The following CCDC3 variants were observed in gnomAD, a reference collection of about 807,000 sequenced individuals.
The protein encoded by CCDC3 is coiled-coil domain-containing protein 3.
CCDC3 carries 24 observed loss-of-function variants against 21.4 expected under a neutral mutation model. That is an observed-to-expected ratio of 1.12 (90% CI 0.81 to 1.58). The LOEUF (loss-of-function observed/expected upper bound fraction) is 1.58, where lower values mean the gene tolerates loss of function less well. Among genes scored for constraint, CCDC3 ranks in the 40% most tolerant of loss-of-function variants. The probability of loss-of-function intolerance (pLI) is 0.00; values close to 1 mark genes in which losing one functional copy is unlikely to be tolerated. For synonymous variants in CCDC3, 186 were observed against 166.0 expected (o/e 1.12, Z -0.93); for missense variants, 425 against 360.9 (o/e 1.18, Z -1.44).
intron 2 of CCDC3, among the ~76,000 whole-genome samples, chr10:12,962,744 C>T (rs115241777): frequency 0.012 from 1,790 of 152,272 alleles, 33 homozygotes; most frequent in African/African-American, 0.041. Context: ...TCAAACATTA[C>T]AGGGATTTTT....
At chr10:13,082,904 A>G (rs1837059849) in intron 3 of CCDC3, among the ~76,000 whole-genome samples, 1 of 152,206 alleles carries the variant, frequency 6.6e-6, no homozygotes, top group African/African-American at 2.4e-5. Flanking sequence ...TTCATATATA[A>G]TCATATCTAT....
chr10:13,040,687 T>TCACTCA (rs1554763772), intron 5 of CCDC3, among the ~76,000 whole-genome samples: 3 of 142,752 alleles, frequency 2.1e-5, no homozygotes, highest in African/African-American at 7.9e-5. Context: ...CAAAACTCTG[T>TCACTCA]CACACACACA....
At chr10:12,964,376 G>GA (rs34399404) in intron 2 of CCDC3, among the ~76,000 whole-genome samples, 119,946 of 146,978 alleles carry the variant, frequency 0.82, 51,663 homozygotes, top group East Asian at 1. Context: ...CCATCTTAAA[G>GA]AAAAAAAAAA....
intron 2 of CCDC3, among the ~76,000 whole-genome samples, chr10:12,987,991 A>C (rs1018312021): frequency 4.6e-5 from 7 of 150,826 alleles, no homozygotes; most frequent in Admixed American, 3.9e-4. Context: ...TCTGTGGTTC[A>C]CTCAGCTGCC....
At chr10:12,965,788 C>G (rs1835254266) in intron 2 of CCDC3, among the ~76,000 whole-genome samples, 1 of 152,218 alleles carries the variant, frequency 6.6e-6, no homozygotes. Context: ...TCATGCAAGA[C>G]AGAATGCCAA....
At chr10:12,960,071 T>C (rs540272973) in intron 2 of CCDC3, among the ~76,000 whole-genome samples, 200 of 152,054 alleles carry the variant, frequency 1.3e-3, no homozygotes, top group African/African-American at 4.5e-3. Context: ...GAAGAATCAC[T>C]TGAACCTGGG....
chr10:12,943,112 G>T (rs75655220), intron 2 of CCDC3, among the ~76,000 whole-genome samples: 7 of 151,892 alleles, frequency 4.6e-5, no homozygotes, highest in South Asian at 2.1e-4. Flanking sequence ...TGGCTTAAGC[G>T]CTTATATAAA....
chr10:12,995,724 T>C (rs1196456717), intron 2 of CCDC3, among the ~76,000 whole-genome samples: 1 of 152,216 alleles, frequency 6.6e-6, no homozygotes, highest in Admixed American at 6.5e-5. Context: ...ACTTTTTCTC[T>C]GAGCCTGGAA....
intron 5 of CCDC3, among the ~76,000 whole-genome samples, chr10:13,036,548 G>C (rs1018921699): frequency 6.6e-6 from 1 of 152,100 alleles, no homozygotes; most frequent in East Asian, 1.9e-4. Context: ...GCAGTGGCAC[G>C]ATCTCCACTC....
chr10:13,034,668 CT>C (rs1181050330), intron 5 of CCDC3, among the ~76,000 whole-genome samples: 1 of 151,794 alleles, frequency 6.6e-6, no homozygotes, highest in Non-Finnish European at 1.5e-5. Context: ...ACTATTATTC[CT>C]GTAATAAATG....
intron 2 of CCDC3, among the ~76,000 whole-genome samples, chr10:12,922,930 T>C (rs1256990570): frequency 6.6e-6 from 1 of 152,194 alleles, no homozygotes; most frequent in African/African-American, 2.4e-5. Context: ...TATTCTGACA[T>C]TGGCCAAATG....
intron 2 of CCDC3, among the ~76,000 whole-genome samples, chr10:12,982,981 G>T (rs1056833404): frequency 6.7e-6 from 1 of 149,872 alleles, no homozygotes; most frequent in Non-Finnish European, 1.5e-5. Flanking sequence ...GCATGGTGGC[G>T]GGTGCCTGTA....
intron 2 of CCDC3, among the ~76,000 whole-genome samples, chr10:12,972,340 C>A (rs567000898): frequency 6.6e-6 from 1 of 152,268 alleles, no homozygotes; most frequent in South Asian, 2.1e-4. Flanking sequence ...CCAGGCACAC[C>A]CTTGGGCTTC....
At chr10:13,097,068 A>G (rs1683259028) in intron 3 of CCDC3, among the ~76,000 whole-genome samples, 3 of 152,332 alleles carry the variant, frequency 2.0e-5, no homozygotes, top group Admixed American at 2.0e-4. Flanking sequence ...CTAACTCCAA[A>G]CAGAGGAGAT....
chr10:12,960,529 GT>G lies in CCDC3; in HGVS notation c.549+37808del, dbSNP rs1835165267. Among the ~76,000 whole-genome samples the G allele has an allele frequency of 2.0e-5, 3 of 152,340 alleles. No homozygotes were observed. The South Asian group carries it at 6.2e-4, about 32-fold the overall frequency. On this transcript the variant is annotated intron_variant, in intron 2 of 2. Coordinates refer to ENST00000378825, the MANE Select transcript of CCDC3 (RefSeq NM_031455.4). ...TAAGGTGACATTCCAGCCCTGAGCA[GT>G]GTTGGGTAAACAGACCGAAGCCCAA...
chr10:13,030,947 G>C (rs1445566182), intron 5 of CCDC3, among the ~76,000 whole-genome samples: 7 of 152,116 alleles, frequency 4.6e-5, no homozygotes, highest in Non-Finnish European at 1.0e-4. Context: ...AAGACAGAAA[G>C]TTAACACGGA....
chr10:12,972,730 T>G (rs1311903286), intron 2 of CCDC3, among the ~76,000 whole-genome samples: 1 of 151,874 alleles, frequency 6.6e-6, no homozygotes, highest in African/African-American at 2.4e-5. Flanking sequence ...GACATGAGAA[T>G]CTCTTGAACC....
chr10:13,023,194 A>G (rs1368258651), intron 5 of CCDC3, among the ~76,000 whole-genome samples: 1 of 152,182 alleles, frequency 6.6e-6, no homozygotes, highest in Admixed American at 6.5e-5. Flanking sequence ...AAAAATTATT[A>G]GCCTCCTGTT....
At chr10:12,941,901 A>G (rs1450613552) in intron 2 of CCDC3, among the ~76,000 whole-genome samples, 1 of 152,190 alleles carries the variant, frequency 6.6e-6, no homozygotes, top group African/African-American at 2.4e-5. Flanking sequence ...TAGGAGGAGG[A>G]CTAAGTAACT....
Sources: allele counts gnomAD v4.1 joint callset (sites outside exome capture counted in the v4.1 genomes callset), GRCh38; gene constraint gnomAD v4.1.1; transcripts MANE v1.5; gene names NCBI Gene and HGNC (gene_info 2026-07-23, HGNC 2026-07-21).